Variants in TMEM123 observed in about 807,000 individuals in gnomAD.
TMEM123 encodes porimin.
TMEM123 carries 16 observed loss-of-function variants against 19.7 expected under a neutral mutation model. The ratio of observed to expected loss-of-function variants is 0.81; its 90% confidence interval spans 0.55 to 1.23. The LOEUF (loss-of-function observed/expected upper bound fraction) is 1.23, where lower values mean the gene tolerates loss of function less well. Ranked by LOEUF, TMEM123 falls within the 50% of genes most tolerant of loss-of-function variation. The probability of loss-of-function intolerance (pLI) is 0.00; values close to 1 mark genes in which losing one functional copy is unlikely to be tolerated. For missense variants in TMEM123, 313 were observed against 257.8 expected, an observed-to-expected ratio of 1.21 and a Z score of -1.47; for synonymous variants, 118 against 99.4, an observed-to-expected ratio of 1.19 and a Z score of -1.12.
chr11:102,408,730 G>T (rs1951977274), intron 2 of TMEM123, among the ~76,000 whole-genome samples: 1 of 152,180 alleles, frequency 6.6e-6, no homozygotes, highest in Non-Finnish European at 1.5e-5. Context: ...AGATATCCGA[G>T]CTCCCATGGT....
intron 2 of TMEM123, among the ~76,000 whole-genome samples, chr11:102,426,838 G>A (rs1952129920): frequency 1.0e-5 from 1 of 99,410 alleles, no homozygotes; most frequent in African/African-American, 3.8e-5. Context: ...TAAACTCATG[G>A]CTTAATGTTT....
intron 2 of TMEM123, among the ~76,000 whole-genome samples, chr11:102,418,079 A>AG (rs1952055938): frequency 1.3e-5 from 2 of 151,548 alleles, no homozygotes; most frequent in African/African-American, 4.8e-5. Context: ...AGAAAAAAAA[A>AG]ATAAAACCCT....
At chr11:102,409,071 T>G (rs561055329) in intron 2 of TMEM123, among the ~76,000 whole-genome samples, 4 of 152,234 alleles carry the variant, frequency 2.6e-5, no homozygotes, top group African/African-American at 9.6e-5. Context: ...TATCTCAAAG[T>G]TAAGGATGAC....
chr11:102,451,312 G>A (rs1257838293), intron 1 of TMEM123: 1 of 152,120 alleles, frequency 6.6e-6, no homozygotes, highest in African/African-American at 2.4e-5. Context: ...TATAAAATTA[G>A]GACCAAGATA....
intron 2 of TMEM123, among the ~76,000 whole-genome samples, chr11:102,440,837 G>T (rs748999275): frequency 1.8e-4 from 28 of 152,112 alleles, no homozygotes; most frequent in Non-Finnish European, 1.5e-4. Flanking sequence ...TCAAAATAAA[G>T]GGATGGAGAA....
intron 2 of TMEM123, among the ~76,000 whole-genome samples, chr11:102,433,012 A>T (rs1857728259): frequency 6.6e-6 from 1 of 152,044 alleles, no homozygotes; most frequent in Non-Finnish European, 1.5e-5. Context: ...CTGGAAGTCC[A>T]GGCAGAAGTT....
intron 1 of TMEM123, among the ~76,000 whole-genome samples, chr11:102,452,018 G>C (rs1372427230): frequency 6.6e-6 from 1 of 152,210 alleles, no homozygotes; most frequent in Non-Finnish European, 1.5e-5. Context: ...GAGCGTCAGG[G>C]GGACCTAAAG....
chr11:102,426,859 T>TAC (rs1491364770), intron 2 of TMEM123, among the ~76,000 whole-genome samples: 1 of 4,136 alleles, frequency 2.4e-4, no homozygotes, highest in Non-Finnish European at 4.9e-4. Flanking sequence ...TTAAAGTAGT[T>TAC]CCCCCCCCCC....
chr11:102,442,618 C>T (rs1857839137), intron 2 of TMEM123, among the ~76,000 whole-genome samples: 1 of 152,156 alleles, frequency 6.6e-6, no homozygotes. Flanking sequence ...TGGAAGCATT[C>T]CCTCTGAAAA....
At chr11:102,418,666 T>G (rs1952060323) in intron 2 of TMEM123, among the ~76,000 whole-genome samples, 1 of 152,218 alleles carries the variant, frequency 6.6e-6, no homozygotes, top group Non-Finnish European at 1.5e-5. Flanking sequence ...ACTGGGTATA[T>G]ACCCAAAATA....
chr11:102,427,319 T>C (rs1232306630), intron 2 of TMEM123, among the ~76,000 whole-genome samples: 2 of 152,000 alleles, frequency 1.3e-5, no homozygotes, highest in African/African-American at 4.8e-5. Flanking sequence ...GTTGACTGAA[T>C]TTCACAAAAG....
Position 102,452,721 on chromosome 11 carries a change from C to T in TMEM123, c.-98G>A, listed in dbSNP as rs933355507. The T allele has an allele frequency of 2.8e-5, 26 of 935,132 alleles. No individual in the cohort carries two copies. The highest frequency in any genetic ancestry group is 1.0e-4 in the African/African-American group (6 of 57,784). The allele number at this position is 935,132 out of a possible 1,614,324, so 57.9% of individuals were successfully genotyped here. On this transcript the variant is annotated 5_prime_UTR_variant, in exon 1 of 5. Coordinates refer to ENST00000398136, the MANE Select transcript of TMEM123 (RefSeq NM_052932.3). ...CGCAGCCGGCGCCGGCTCCGCTTCC[C>T]CTTCGGCCGCGCACGTTTCCCCTCC...
At chr11:102,413,064 A>T (rs1177274789) in intron 2 of TMEM123, among the ~76,000 whole-genome samples, 1 of 152,222 alleles carries the variant, frequency 6.6e-6, no homozygotes, top group African/African-American at 2.4e-5. Context: ...AGTTATGCTT[A>T]GAGAGATTTA....
chr11:102,423,587 T>C (rs1448249342), intron 2 of TMEM123, among the ~76,000 whole-genome samples: 1 of 152,242 alleles, frequency 6.6e-6, no homozygotes, highest in Non-Finnish European at 1.5e-5. Context: ...TGACCCCAGC[T>C]AAGCTACTTC....
intron 2 of TMEM123, among the ~76,000 whole-genome samples, chr11:102,446,439 G>A (rs1040728955): frequency 2.0e-5 from 3 of 152,122 alleles, no homozygotes; most frequent in Non-Finnish European, 4.4e-5. Flanking sequence ...TATTCCTATT[G>A]ACTTCAAGTA....
At chr11:102,408,771 T>C (rs1951977558) in intron 2 of TMEM123, among the ~76,000 whole-genome samples, 1 of 152,200 alleles carries the variant, frequency 6.6e-6, no homozygotes, top group African/African-American at 2.4e-5. Flanking sequence ...TAACATCTTA[T>C]GGAAGAACAC....
intron 1 of TMEM123, among the ~76,000 whole-genome samples, chr11:102,450,351 G>A (rs1162508801): frequency 6.6e-6 from 1 of 152,102 alleles, no homozygotes; most frequent in East Asian, 1.9e-4. Flanking sequence ...GTTCAAGGTG[G>A]GTTTCTGTCA....
intron 2 of TMEM123, chr11:102,448,284 C>G: frequency 4.4e-6 from 2 of 456,226 alleles, no homozygotes; most frequent in South Asian, 3.1e-5. Context: ...GTTCTTGCAT[C>G]TTTCCATGTT....
chr11:102,402,160 G>T lies in TMEM123; in HGVS notation c.204C>A (p.Asn68Lys). The change falls in exon 3 of 5, where the codon AAC (asparagine) becomes AAA (lysine). Residue 68 changes from asparagine to lysine, a missense_variant. Physicochemically the swap from Asn to Lys is moderately conservative, Grantham distance 94. Coordinates refer to ENST00000398136, the MANE Select transcript of TMEM123 (RefSeq NM_052932.3). ...VPSDHTNETS[N>K]STVKPPTSVA... ...CTGAAGTTGGTGGTTTCACAGTACTGTTGGAAGTTTCATTTGTATGGTCAG... is the reference window on the plus strand; with the variant it reads ...CTGAAGTTGGTGGTTTCACAGTACTTTTGGAAGTTTCATTTGTATGGTCAG... The T allele has an allele frequency of 6.2e-7, 1 of 1,614,100 alleles. No individual in the cohort carries two copies.
Sources: gnomAD v4.1 joint callset for allele counts (sites outside exome capture counted in the v4.1 genomes callset) on GRCh38, gnomAD v4.1.1 for gene constraint, MANE v1.5 for transcripts, NCBI Gene and HGNC (gene_info 2026-07-23, HGNC 2026-07-21) for gene names.